The following ELF1 variants were observed in gnomAD, a reference collection of about 807,000 sequenced individuals.
ELF1 encodes E74 like ETS transcription factor 1, also known as ETS-related transcription factor Elf-1.
ELF1 carries 24 observed loss-of-function variants against 59.9 expected under a neutral mutation model. That is an observed-to-expected ratio of 0.40 (90% CI 0.29 to 0.56). ELF1 has a LOEUF of 0.56. Ranked by LOEUF, ELF1 falls within the 20% of genes least tolerant of loss-of-function variation. The probability of loss-of-function intolerance (pLI) is 0.44; values close to 1 mark genes in which losing one functional copy is unlikely to be tolerated. For missense variants in ELF1, 627 were observed against 742.2 expected, an observed-to-expected ratio of 0.84 and a Z score of 1.80; for synonymous variants, 248 against 266.2, an observed-to-expected ratio of 0.93 and a Z score of 0.67.
intron 1 of ELF1, among the ~76,000 whole-genome samples, chr13:41,006,306 A>G (rs1188526808): frequency 6.7e-6 from 1 of 149,806 alleles, no homozygotes; most frequent in Non-Finnish European, 1.5e-5. Context: ...ATTGTCCCCA[A>G]TATCTAGGGA....
chr13:40,937,265 T>C (rs1194778810), intron 8 of ELF1, among the ~76,000 whole-genome samples: 1 of 152,172 alleles, frequency 6.6e-6, no homozygotes, highest in African/African-American at 2.4e-5. Flanking sequence ...ATATTGCTAA[T>C]TTACAATTTA....
chr13:40,998,906 G>A (rs1212624684), intron 1 of ELF1, among the ~76,000 whole-genome samples: 1 of 152,080 alleles, frequency 6.6e-6, no homozygotes, highest in Non-Finnish European at 1.5e-5. Flanking sequence ...AAATTAGCTG[G>A]GCATGGTGGT....
intron 1 of ELF1, among the ~76,000 whole-genome samples, chr13:41,015,415 T>A (rs1475138121): frequency 1.3e-5 from 2 of 152,070 alleles, no homozygotes; most frequent in East Asian, 3.9e-4. Flanking sequence ...AATAAAGTAC[T>A]CTAGTTGCTT....
At chr13:40,935,373 A>G (rs1869695310) in intron 8 of ELF1, among the ~76,000 whole-genome samples, 1 of 152,200 alleles carries the variant, frequency 6.6e-6, no homozygotes, top group African/African-American at 2.4e-5. Flanking sequence ...TTACCACTAG[A>G]TTATTAAAGC....
At chr13:40,970,740 C>T (rs527350410) in intron 2 of ELF1, among the ~76,000 whole-genome samples, 2 of 152,044 alleles carry the variant, frequency 1.3e-5, no homozygotes, top group African/African-American at 4.8e-5. Context: ...TATGTACCTG[C>T]TATAAATGTC....
At chr13:40,963,907 A>G (rs1872010657) in intron 2 of ELF1, among the ~76,000 whole-genome samples, 1 of 151,346 alleles carries the variant, frequency 6.6e-6, no homozygotes, top group Admixed American at 6.6e-5. Context: ...CTCCGTCTCA[A>G]AAAGAAAAAA....
intron 7 of ELF1, among the ~76,000 whole-genome samples, 184 bp from the exon 8 acceptor site, chr13:40,941,554 G>GT (rs1870172853): frequency 6.6e-6 from 1 of 152,212 alleles, no homozygotes; most frequent in Non-Finnish European, 1.5e-5. Context: ...ATAGAGATAA[G>GT]TTCTTATTAC....
intron 3 of ELF1, among the ~76,000 whole-genome samples, chr13:40,956,218 T>G (rs1821843973): frequency 6.6e-6 from 1 of 151,636 alleles, no homozygotes; most frequent in Admixed American, 6.6e-5. Flanking sequence ...TTTCATTTTG[T>G]TCTGTACTAA....
At chr13:41,048,219 G>A (rs184680672) in intron 1 of ELF1, among the ~76,000 whole-genome samples, 53 of 152,308 alleles carry the variant, frequency 3.5e-4, no homozygotes, top group Middle Eastern at 3.4e-3. Flanking sequence ...GACCCCTTGC[G>A]CTTCCAGGTG....
intron 3 of ELF1, among the ~76,000 whole-genome samples, chr13:40,954,421 CTCTCCCTCTCCCCACGG>C (rs367634440): frequency 0.015 from 632 of 43,074 alleles, 3 homozygotes; most frequent in Admixed American, 0.027. Context: ...AAGTGTGTAG[CTCTCCCTCTCCCCACGG>C]TCTCCCTCTC....
At chr13:40,992,281 C>T (rs940583381) in intron 1 of ELF1, among the ~76,000 whole-genome samples, 2 of 152,208 alleles carry the variant, frequency 1.3e-5, no homozygotes, top group Non-Finnish European at 2.9e-5. Context: ...TGTTTTTACA[C>T]TACGCTCCCT....
chr13:41,010,338 T>C (rs34140208), intron 1 of ELF1, among the ~76,000 whole-genome samples: 24,866 of 150,708 alleles, frequency 0.16, 3,124 homozygotes, highest in African/African-American at 0.34. Flanking sequence ...CACTTGTAAT[T>C]CTACATGGGA....
rs891085057 is a variant in ELF1, at chr13:40,974,463, G to A, written c.72+7520C>T. Among the ~76,000 whole-genome samples the A allele has an allele frequency of 3.3e-5, 5 of 152,062 alleles. 1 individual carries two copies. Among genetic ancestry groups the A allele is most frequent in the Admixed American group, 2.0e-4 (3 of 15,258 alleles). ...AATTACAGGCAAGTTGCTTCCCTTC[G>A]CTGAGCCTCACTTGACTCTTTTGTA... On this transcript the variant is annotated intron_variant, in intron 2 of 8. Transcript: ENST00000239882.
chr13:41,031,663 C>T (rs1876165475), intron 1 of ELF1, among the ~76,000 whole-genome samples: 1 of 150,944 alleles, frequency 6.6e-6, no homozygotes, highest in African/African-American at 2.4e-5. Flanking sequence ...ACTAAAAATA[C>T]AAAAAAATTA....
intron 3 of ELF1, among the ~76,000 whole-genome samples, chr13:40,955,459 G>T (rs1299961350): frequency 7.9e-6 from 1 of 126,270 alleles, no homozygotes; most frequent in Non-Finnish European, 1.8e-5. Flanking sequence ...CGCCCCGTCC[G>T]GGAGGTGAGG....
intron 1 of ELF1, among the ~76,000 whole-genome samples, chr13:40,984,836 T>C (rs1172761784): frequency 6.6e-6 from 1 of 152,190 alleles, no homozygotes; most frequent in Non-Finnish European, 1.5e-5. Flanking sequence ...TCTAGGTAAA[T>C]TTAAGTTTCA....
intron 1 of ELF1, among the ~76,000 whole-genome samples, chr13:41,055,846 G>A (rs965906969): frequency 6.6e-6 from 1 of 150,838 alleles, no homozygotes; most frequent in Non-Finnish European, 1.5e-5. Context: ...CACCACACCA[G>A]CTAATTTTTG....
At chr13:41,027,657 C>T (rs2324778) in intron 1 of ELF1, among the ~76,000 whole-genome samples, 48,596 of 152,076 alleles carry the variant, frequency 0.32, 9,446 homozygotes, top group Middle Eastern at 0.46. Context: ...GCCTTTCCTG[C>T]ACACAATGCT....
At position 40,932,113 on chromosome 13, in the gene ELF1, T is replaced by A. The variant is rs1224707887; in HGVS notation, c.*1312A>T. ...GGATTCCAAAATTTAAATTTTTGTT[T>A]AAATACAAATTCACTCTGTAATATG... On this transcript the variant is annotated 3_prime_UTR_variant, in exon 9 of 9. Coordinates refer to ENST00000239882, the MANE Select transcript of ELF1 (RefSeq NM_172373.4). The A allele has an allele frequency of 6.6e-6, 1 of 152,224 alleles. No individual in the cohort carries two copies. The highest frequency in any genetic ancestry group is 1.5e-5 in the Non-Finnish European group (1 of 68,042). 9.4% of individuals were successfully genotyped at this position (152,224 alleles called of 1,614,324 possible).
Sources: allele counts gnomAD v4.1 joint callset (sites outside exome capture counted in the v4.1 genomes callset), GRCh38; gene constraint gnomAD v4.1.1; transcripts MANE v1.5; gene names NCBI Gene and HGNC (gene_info 2026-07-23, HGNC 2026-07-21).